Variants in AGPAT5 observed in about 807,000 individuals in gnomAD.
The protein encoded by AGPAT5 is 1-acyl-sn-glycerol-3-phosphate acyltransferase epsilon.
In AGPAT5, 46 loss-of-function variants were observed where a neutral mutation model predicts 45.6. The observed-to-expected ratio is 1.01, with a 90% CI of 0.80 to 1.29. The LOEUF is 1.29. Among genes scored for constraint, AGPAT5 ranks in the 50% most tolerant of loss-of-function variants. The pLI is 0.00. For synonymous variants in AGPAT5, 272 were observed against 167.0 expected, an observed-to-expected ratio of 1.63 and a Z score of -4.85; for missense variants, 673 against 450.7, an observed-to-expected ratio of 1.49 and a Z score of -4.47.
intron 1 of AGPAT5, among the ~76,000 whole-genome samples, chr8:6,723,034 A>C (rs1192463738): frequency 6.6e-6 from 1 of 152,246 alleles, no homozygotes; most frequent in Admixed American, 6.5e-5. Flanking sequence ...ATGTGATTTA[A>C]AAAATGAGTA....
At chr8:6,751,156 A>G (rs923175633) in intron 6 of AGPAT5, among the ~76,000 whole-genome samples, 19 of 152,182 alleles carry the variant, frequency 1.2e-4, no homozygotes, top group African/African-American at 4.3e-4. Context: ...ATTATATGAC[A>G]TCTGATATAA....
At position 6,747,846 on chromosome 8, in the gene AGPAT5, C is replaced by G. The variant is rs1366354815; in HGVS notation, c.745+18C>G. ...CATGACGGGTAAGTGTGTTCACGCA[C>G]CTGAAATGCCTGTACACGGTATATA... On this transcript the variant is annotated intron_variant, in intron 6 of 7. Transcript: ENST00000285518. 3.1e-6 allele frequency: 5 copies of G among 1,612,634 alleles called. No individual in the cohort carries two copies. The highest frequency in any genetic ancestry group is 4.2e-6 in the Non-Finnish European group (5 of 1,179,138).
chr8:6,725,386 T>C lies in AGPAT5; in HGVS notation c.289+447T>C, dbSNP rs146317918. ...TTCTAGTGTCTGCTCTTCCTTTCCT[T>C]CTTCAAATGGGTTTGGTTTAATTCT... On this transcript the variant is annotated intron_variant, in intron 2 of 7. Transcript: ENST00000285518. Among the ~76,000 whole-genome samples the C allele has an allele frequency of 8.5e-5, 13 of 152,334 alleles. No individual in the cohort carries two copies. In the East Asian group the frequency reaches 1.2e-3, roughly 14 times the overall value.
At chr8:6,712,128 G>A (rs1340015624) in intron 1 of AGPAT5, among the ~76,000 whole-genome samples, 2 of 152,016 alleles carry the variant, frequency 1.3e-5, no homozygotes, top group Non-Finnish European at 2.9e-5. Context: ...AGGTATTTAC[G>A]TATTAAAGCA....
Position 6,757,790 on chromosome 8 carries a change from C to T in AGPAT5, c.*402C>T, listed in dbSNP as rs1219723397. ...ACTTGACAGCTCCAAGCTCTTATTA[C>T]TAAAGTATTTAGTATCTTGCAGCTA... On this transcript the variant is annotated 3_prime_UTR_variant, in exon 8 of 8. Coordinates refer to ENST00000285518, the MANE Select transcript of AGPAT5 (RefSeq NM_018361.5). 8 of 159,970 alleles carry T rather than the reference C, an allele frequency of 5.0e-5. No individual in the cohort carries two copies. The highest frequency in any genetic ancestry group is 1.9e-4 in the African/African-American group (8 of 41,556). The allele number at this position is 159,970 out of a possible 1,614,324, so 9.9% of individuals were successfully genotyped here. A position where few individuals can be genotyped will look rare whatever the true frequency, so the allele number is the denominator to read the frequency against.
At chr8:6,752,081 G>T (rs1587066929) in intron 6 of AGPAT5, among the ~76,000 whole-genome samples, 2 of 152,244 alleles carry the variant, frequency 1.3e-5, no homozygotes, top group South Asian at 4.1e-4. Flanking sequence ...GGAGGCTGAG[G>T]TAGGGGAATC....
chr8:6,755,017 G>GT (rs1488221649), intron 6 of AGPAT5, 34 bp from the exon 7 acceptor site: 5 of 1,517,108 alleles, frequency 3.3e-6, no homozygotes, highest in Non-Finnish European at 4.4e-6. Flanking sequence ...TTCTAAAATA[G>GT]TAAAAAAAAA....
At chr8:6,730,423 G>T (rs1800824667) in intron 2 of AGPAT5, among the ~76,000 whole-genome samples, 1 of 46,312 alleles carries the variant, frequency 2.2e-5, no homozygotes, top group Non-Finnish European at 3.3e-5. Flanking sequence ...TCCGCCCCCT[G>T]GGGTTCACGC....
intron 1 of AGPAT5, among the ~76,000 whole-genome samples, chr8:6,710,523 G>C (rs1258976814): frequency 6.6e-6 from 1 of 152,170 alleles, no homozygotes; most frequent in Non-Finnish European, 1.5e-5. Context: ...ATTGCCCACT[G>C]ATCATCAAAT....
intron 7 of AGPAT5, among the ~76,000 whole-genome samples, chr8:6,755,752 T>G (rs1038610375): frequency 2.0e-5 from 3 of 152,360 alleles, no homozygotes; most frequent in Middle Eastern, 3.4e-3. Flanking sequence ...TGTTCTTCTT[T>G]TCCTTGTTTT....
At chr8:6,711,130 G>T (rs1157372859) in intron 1 of AGPAT5, among the ~76,000 whole-genome samples, 1 of 152,014 alleles carries the variant, frequency 6.6e-6, no homozygotes, top group Non-Finnish European at 1.5e-5. Flanking sequence ...TTCAACTCTA[G>T]GTTTAAAAAA....
At chr8:6,736,543 ACTTT>A (rs1259292312) in intron 4 of AGPAT5, among the ~76,000 whole-genome samples, 1 of 152,142 alleles carries the variant, frequency 6.6e-6, no homozygotes. Flanking sequence ...TGCTTATGGT[ACTTT>A]CTTTCCTTGT....
chr8:6,746,663 G>A (rs1033967621), intron 5 of AGPAT5, among the ~76,000 whole-genome samples: 2 of 152,198 alleles, frequency 1.3e-5, no homozygotes, highest in Non-Finnish European at 2.9e-5. Context: ...GTGCTTGTGG[G>A]AATCTTTGTC....
At chr8:6,731,390 T>C (rs1800858138) in intron 3 of AGPAT5, among the ~76,000 whole-genome samples, 2 of 152,338 alleles carry the variant, frequency 1.3e-5, no homozygotes, top group South Asian at 4.1e-4. Context: ...GACCCTCATA[T>C]AGAATGGGAT....
At chr8:6,723,761 T>C (rs1255418564) in intron 1 of AGPAT5, among the ~76,000 whole-genome samples, 2 of 152,226 alleles carry the variant, frequency 1.3e-5, no homozygotes, top group Non-Finnish European at 2.9e-5. Flanking sequence ...ATGGAAACCT[T>C]TGTCACATCC....
chr8:6,739,696 A>T (rs1425787), intron 4 of AGPAT5, among the ~76,000 whole-genome samples: 64,450 of 151,948 alleles, frequency 0.42, 13,934 homozygotes, highest in Non-Finnish European at 0.46. Flanking sequence ...TGTCATTGTT[A>T]TAGAAATAAC....
chr8:6,730,251 A>G (rs897008010), intron 2 of AGPAT5, among the ~76,000 whole-genome samples: 2 of 151,640 alleles, frequency 1.3e-5, no homozygotes, highest in Non-Finnish European at 2.9e-5. Flanking sequence ...CTCAAAAAAC[A>G]GAAAATGTAT....
chr8:6,721,037 G>C (rs1800479255), intron 1 of AGPAT5, among the ~76,000 whole-genome samples: 1 of 152,154 alleles, frequency 6.6e-6, no homozygotes, highest in South Asian at 2.1e-4. Flanking sequence ...AAAGAACTTT[G>C]TCATCTGTTA....
At chr8:6,723,439 G>A (rs1447919304) in intron 1 of AGPAT5, among the ~76,000 whole-genome samples, 5 of 151,806 alleles carry the variant, frequency 3.3e-5, no homozygotes, top group African/African-American at 1.2e-4. Flanking sequence ...TTCCCTCCCT[G>A]CCCCTACCGA....
Sources: gnomAD v4.1 joint callset for allele counts (sites outside exome capture counted in the v4.1 genomes callset) on GRCh38, gnomAD v4.1.1 for gene constraint, MANE v1.5 for transcripts, NCBI Gene and HGNC (gene_info 2026-07-23, HGNC 2026-07-21) for gene names.